ADAMTSL1: variants seen among roughly 807,000 people sequenced by gnomAD.
ADAMTSL1 encodes ADAMTS like 1.
A neutral mutation model predicts 201.8 loss-of-function variants in ADAMTSL1; 126 were observed. The observed-to-expected ratio is 0.62, with a 90% confidence interval of 0.54 to 0.72. The LOEUF (loss-of-function observed/expected upper bound fraction) is 0.72. ADAMTSL1 is among the 30% of genes least tolerant of loss of function. ADAMTSL1 has a pLI of 0.00. For missense variants in ADAMTSL1, 2,679 were observed against 2,277.8 expected (o/e 1.18, Z -3.59); for synonymous variants, 1,121 against 903.4 (o/e 1.24, Z -4.32).
At chr9:18,327,754 G>A (rs1223178412) in intron 2 of ADAMTSL1, among the ~76,000 whole-genome samples, 4 of 152,200 alleles carry the variant, frequency 2.6e-5, no homozygotes, top group Non-Finnish European at 5.9e-5. Context: ...TTGACTGAAA[G>A]CTTAAAGAGT....
chr9:18,336,803 T>C (rs1396656253), intron 2 of ADAMTSL1, among the ~76,000 whole-genome samples: 2 of 152,154 alleles, frequency 1.3e-5, no homozygotes, highest in Non-Finnish European at 2.9e-5. Context: ...TGTCTATTTA[T>C]AAATAAAGAT....
chr9:18,507,152 G>C (rs1817719595), intron 2 of ADAMTSL1, among the ~76,000 whole-genome samples: 1 of 151,974 alleles, frequency 6.6e-6, no homozygotes, highest in Admixed American at 6.6e-5. Context: ...GTATTATTAG[G>C]CTAAACTGTA....
chr9:18,405,991 G>A (rs1227225713), intron 2 of ADAMTSL1, among the ~76,000 whole-genome samples: 3 of 152,176 alleles, frequency 2.0e-5, no homozygotes, highest in Non-Finnish European at 4.4e-5. Flanking sequence ...AAACCTGGTT[G>A]CTTAGCTCTT....
chr9:18,624,455 C>A (rs1192707555), intron 5 of ADAMTSL1, among the ~76,000 whole-genome samples: 1 of 152,126 alleles, frequency 6.6e-6, no homozygotes, highest in Non-Finnish European at 1.5e-5. Context: ...AATTAAAATC[C>A]TCTAATTATT....
chr9:18,030,380 C>T (rs966785913), intron 1 of ADAMTSL1, among the ~76,000 whole-genome samples: 13 of 151,990 alleles, frequency 8.6e-5, no homozygotes, highest in Non-Finnish European at 1.6e-4. Flanking sequence ...GGGAACATCA[C>T]ACACCGGGGA....
chr9:18,416,902 A>C (rs1818699330), intron 2 of ADAMTSL1, among the ~76,000 whole-genome samples: 1 of 152,028 alleles, frequency 6.6e-6, no homozygotes, highest in South Asian at 2.1e-4. Context: ...CTTGAACAAC[A>C]CAATCAGCTA....
chr9:18,582,000 C>G lies in ADAMTSL1; in HGVS notation c.474+7734C>G, dbSNP rs1329299942. ...TCAGTATTTCTGCTGGTATGAAATT[C>G]TCAGAAATCACGTCAGTCTTTCTTG... On this transcript the variant is annotated intron_variant, in intron 4 of 28. Coordinates refer to ENST00000380548, the MANE Select transcript of ADAMTSL1 (RefSeq NM_001040272.6). Among the ~76,000 whole-genome samples, 9 of 152,340 alleles carry G rather than the reference C, an allele frequency of 5.9e-5. No individual in the cohort carries two copies. The East Asian group carries it at 1.5e-3, about 26-fold the overall frequency.
At chr9:17,945,822 G>T (rs1477389277) in intron 1 of ADAMTSL1, among the ~76,000 whole-genome samples, 18 of 111,056 alleles carry the variant, frequency 1.6e-4, no homozygotes, top group Admixed American at 4.5e-4. Context: ...GTTGTGGGGT[G>T]GGGGGAGGGG....
chr9:18,368,618 G>A (rs1051895451), intron 2 of ADAMTSL1, among the ~76,000 whole-genome samples: 66 of 152,206 alleles, frequency 4.3e-4, no homozygotes, highest in African/African-American at 1.5e-3. Flanking sequence ...TCCAAAGTTT[G>A]CCTGCATTCT....
At position 18,620,179 on chromosome 9, in the gene ADAMTSL1, C is replaced by CTAAGAG. The variant is rs1395893455; in HGVS notation, c.475-2063_475-2058dup. ...CATCTCAGCTCAAAAAAGTCTCTCC[C>CTAAGAG]TAAGAGAAATCTTCTCTTGCCTCCC... On this transcript the variant is annotated intron_variant, in intron 4 of 28. Coordinates refer to ENST00000380548, the MANE Select transcript of ADAMTSL1 (RefSeq NM_001040272.6). Among the ~76,000 whole-genome samples, 28 of 152,194 alleles carry CTAAGAG rather than the reference C, an allele frequency of 1.8e-4. No individual in the cohort carries two copies. The South Asian group carries it at 5.8e-3, about 32-fold the overall frequency.
intron 14 of ADAMTSL1, among the ~76,000 whole-genome samples, chr9:18,708,517 G>A (rs548486389): frequency 2.0e-5 from 3 of 152,244 alleles, no homozygotes; most frequent in Admixed American, 6.5e-5. Flanking sequence ...TTTCTTTCAC[G>A]CTTAATGAGA....
intron 2 of ADAMTSL1, among the ~76,000 whole-genome samples, chr9:18,513,225 C>T (rs1338144686): frequency 6.6e-6 from 1 of 152,098 alleles, no homozygotes; most frequent in Admixed American, 6.5e-5. Context: ...TTAACTACAC[C>T]AGCAGTGCTG....
At position 17,995,031 on chromosome 9, in the gene ADAMTSL1, T is replaced by C. The variant is rs146591927; in HGVS notation, c.87+88109T>C. Among the ~76,000 whole-genome samples, 19 of 152,320 alleles carry C rather than the reference T, an allele frequency of 1.2e-4. No individual in the cohort carries two copies. The East Asian group carries it at 3.5e-3, about 28-fold the overall frequency. On this transcript the variant is annotated intron_variant, in intron 1 of 29. Coordinates refer to the ADAMTSL1 transcript ENST00000680146. ...CATTTTCTCCACAAGAGATTCTTTC[T>C]CACAGTCAGAACGTGTGGCTTAGCA...
chr9:18,567,872 A>G (rs1264915712), intron 3 of ADAMTSL1, among the ~76,000 whole-genome samples: 1 of 152,240 alleles, frequency 6.6e-6, no homozygotes, highest in East Asian at 1.9e-4. Flanking sequence ...GAATTTTAAC[A>G]TTTAATATTA....
At chr9:18,233,046 A>G (rs1448201223) in intron 2 of ADAMTSL1, among the ~76,000 whole-genome samples, 2 of 152,144 alleles carry the variant, frequency 1.3e-5, no homozygotes, top group Non-Finnish European at 2.9e-5. Flanking sequence ...CATCTAGGAA[A>G]CTCTGCGAGG....
chr9:18,251,663 A>G (rs1831469468), intron 2 of ADAMTSL1, among the ~76,000 whole-genome samples: 1 of 152,222 alleles, frequency 6.6e-6, no homozygotes. Flanking sequence ...AAGACCCAAG[A>G]AAGTCCTGGG....
intron 1 of ADAMTSL1, among the ~76,000 whole-genome samples, chr9:18,499,540 C>T (rs952028472): frequency 6.6e-6 from 1 of 152,206 alleles, no homozygotes; most frequent in Non-Finnish European, 1.5e-5. Context: ...TAGATTGCTC[C>T]ACTTCGCATG....
At chr9:17,962,859 A>G (rs1161323175) in intron 1 of ADAMTSL1, among the ~76,000 whole-genome samples, 1 of 152,228 alleles carries the variant, frequency 6.6e-6, no homozygotes, top group Non-Finnish European at 1.5e-5. Flanking sequence ...GTGACATCAC[A>G]CTCAAAGTAC....
At chr9:18,867,324 G>C (rs1348997402) in intron 23 of ADAMTSL1, among the ~76,000 whole-genome samples, 1 of 151,552 alleles carries the variant, frequency 6.6e-6, no homozygotes, top group East Asian at 1.9e-4. Context: ...TGTTTAAATA[G>C]GCTGGTACAG....
Sources: gnomAD v4.1 joint callset for allele counts (sites outside exome capture counted in the v4.1 genomes callset) on GRCh38, gnomAD v4.1.1 for gene constraint, MANE v1.5 for transcripts, NCBI Gene and HGNC (gene_info 2026-07-23, HGNC 2026-07-21) for gene names.